The following NBEAL1 variants were observed in gnomAD, a reference collection of about 807,000 sequenced individuals.
The protein encoded by NBEAL1 is neurobeachin-like protein 1.
In NBEAL1, 273 loss-of-function variants were observed where a neutral mutation model predicts 351.3. The observed-to-expected ratio is 0.78, with a 90% CI of 0.70 to 0.86. The LOEUF is 0.86. NBEAL1 is among the 40% of genes least tolerant of loss of function. NBEAL1 has a pLI of 0.00. For missense variants in NBEAL1, 2,961 were observed against 3,201.3 expected, an observed-to-expected ratio of 0.92 and a Z score of 1.81; for synonymous variants, 1,050 against 1,086.4, an observed-to-expected ratio of 0.97 and a Z score of 0.66.
chr2:203,169,715 A>T, intron 38 of NBEAL1, 32 bp from the exon 39 acceptor site: 1 of 1,239,460 alleles, frequency 8.1e-7, no homozygotes, highest in African/African-American at 1.5e-5. Flanking sequence ...GTCTTGATTC[A>T]TTTTTAAAGT....
At chr2:203,129,048 A>C (rs1374690006) in intron 24 of NBEAL1, among the ~76,000 whole-genome samples, 1 of 152,192 alleles carries the variant, frequency 6.6e-6, no homozygotes, top group African/African-American at 2.4e-5. Context: ...AACCAACTTT[A>C]CCTGAAAACT....
intron 7 of NBEAL1, among the ~76,000 whole-genome samples, chr2:203,074,253 G>A (rs2061730190): frequency 6.6e-6 from 1 of 150,384 alleles, no homozygotes; most frequent in Non-Finnish European, 1.5e-5. Flanking sequence ...TTAATAAAAT[G>A]AAAAGGCATG....
chr2:203,213,577 C>A lies in NBEAL1; in HGVS notation c.7994C>A (p.Thr2665Asn). 1 of 1,613,862 alleles carries A rather than the reference C, an allele frequency of 6.2e-7. No individual in the cohort carries two copies. The highest frequency in any genetic ancestry group is 8.5e-7 in the Non-Finnish European group (1 of 1,179,836). Residue 2665 changes from threonine to asparagine, a missense_variant, in exon 55 of 56, where the codon ACC becomes AAC. Thr to Asn is a moderately conservative substitution (Grantham distance 65). Coordinates refer to ENST00000683969, the MANE Select transcript of NBEAL1 (RefSeq NM_001378026.1). ...CTGCCTATCCATTGTGTTTGTGTCA[C>A]CAAAGAATACAGCCATATTCTTGTA... Reference protein sequence around the residue: ...MRLPIHCVCVTKEYSHILVGL... With the variant: ...MRLPIHCVCVNKEYSHILVGL...
At chr2:203,071,025 A>C (rs2061673678) in intron 7 of NBEAL1, among the ~76,000 whole-genome samples, 1 of 152,156 alleles carries the variant, frequency 6.6e-6, no homozygotes, top group Non-Finnish European at 1.5e-5. Context: ...CAGTCTTCCA[A>C]AGTGCTAGGA....
chr2:203,059,852 T>TA (rs869082729), intron 6 of NBEAL1, among the ~76,000 whole-genome samples: 23 of 152,158 alleles, frequency 1.5e-4, no homozygotes, highest in African/African-American at 5.6e-4. Flanking sequence ...TGTCTTTTTT[T>TA]AAAAAAAGTA....
chr2:203,165,140 C>T (rs577358176), intron 36 of NBEAL1, among the ~76,000 whole-genome samples: 102 of 152,214 alleles, frequency 6.7e-4, no homozygotes, highest in South Asian at 2.5e-3. Context: ...GGATTACAGG[C>T]GTGAGCCACC....
At chr2:203,152,683 CACTT>C (rs1357337110) in intron 35 of NBEAL1, among the ~76,000 whole-genome samples, 2 of 152,088 alleles carry the variant, frequency 1.3e-5, no homozygotes, top group Non-Finnish European at 1.5e-5. Flanking sequence ...ATAACTGTCT[CACTT>C]GTCTTCTCTC....
intron 29 of NBEAL1, among the ~76,000 whole-genome samples, chr2:203,137,369 TC>T (rs2063240995): frequency 6.6e-6 from 1 of 152,198 alleles, no homozygotes; most frequent in Non-Finnish European, 1.5e-5. Flanking sequence ...CAGTCCTTCT[TC>T]CAGTGTGGCT....
At chr2:203,120,834 A>G (rs1165159163) in intron 18 of NBEAL1, among the ~76,000 whole-genome samples, 3 of 152,232 alleles carry the variant, frequency 2.0e-5, no homozygotes, top group African/African-American at 7.2e-5. Context: ...TTTTAGTTAC[A>G]GACTAAAGTA....
rs2064364864 is a variant in NBEAL1 at position 203,172,792 on chromosome 2, C to A, written c.6262C>A (p.Arg2088=). The A allele has an allele frequency of 6.2e-7, 1 of 1,611,690 alleles. No individual in the cohort carries two copies. Among genetic ancestry groups the A allele is most frequent in the African/African-American group, 1.3e-5 (1 of 74,772 alleles). The change falls in exon 41 of 56, where the codon CGA becomes AGA. Residue 2088 remains arginine (R), a synonymous_variant. Coordinates refer to ENST00000683969, the MANE Select transcript of NBEAL1 (RefSeq NM_001378026.1). ...ELDLNNPAVF[R]DLSKPIGVVN... The stretch of plus-strand genomic sequence containing the variant: ...GGACCTTAATAACCCTGCTGTATTT[C>A]GAGATCTTTCCAAACCAATTGGGGT...
Position 203,190,303 on chromosome 2 carries a change from C to T in NBEAL1, c.6835C>T (p.Leu2279=). 6.2e-7 allele frequency: 1 copy of T among 1,608,628 alleles called. No individual in the cohort carries two copies. Among genetic ancestry groups the T allele is most frequent in the Non-Finnish European group, 8.5e-7 (1 of 1,178,606 alleles). Residue 2279 remains leucine (L), a synonymous_variant, in exon 46 of 56, where the codon CTG becomes TTG. Coordinates refer to ENST00000683969, the MANE Select transcript of NBEAL1 (RefSeq NM_001378026.1). ...YYCSYEGAVD[L]DALTDEKERK... is the part of the protein sequence containing the mutation. ...TCTTCTGGTTTTAGGAGCTGTGGAT[C>T]TGGATGCCTTAACAGATGAGAAAGA...
At chr2:203,131,022 T>C (rs2063059331) in intron 25 of NBEAL1, among the ~76,000 whole-genome samples, 1 of 152,234 alleles carries the variant, frequency 6.6e-6, no homozygotes, top group Non-Finnish European at 1.5e-5. Flanking sequence ...AAGTGGATTA[T>C]TAGATTGATC....
chr2:203,086,974 C>T (rs538114915), intron 10 of NBEAL1, among the ~76,000 whole-genome samples: 5 of 151,962 alleles, frequency 3.3e-5, no homozygotes, highest in African/African-American at 9.6e-5. Flanking sequence ...TGGACAATTT[C>T]GTTTTTTAAA....
At chr2:203,071,152 T>C (rs1410750278) in intron 7 of NBEAL1, among the ~76,000 whole-genome samples, 3 of 152,222 alleles carry the variant, frequency 2.0e-5, no homozygotes, top group Non-Finnish European at 4.4e-5. Flanking sequence ...TTATATGTCT[T>C]GTATGGTTTT....
At chr2:203,084,647 A>G (rs925508745) in intron 10 of NBEAL1, 78 bp downstream of exon 10, 3 of 669,052 alleles carry the variant, frequency 4.5e-6, no homozygotes, top group Non-Finnish European at 6.9e-6. Context: ...ATTTGAACAT[A>G]TTTTTACTAA....
At position 203,136,030 on chromosome 2, in the gene NBEAL1, A is replaced by G; in HGVS notation, c.4167A>G (p.Gln1389=). 6.2e-7 allele frequency: 1 copy of G among 1,613,658 alleles called. No homozygotes were observed. Among genetic ancestry groups the G allele is most frequent in the Non-Finnish European group, 8.5e-7 (1 of 1,179,774 alleles). Residue 1389 remains glutamine, a synonymous_variant, in exon 28 of 56, where the codon CAA becomes CAG. Transcript: ENST00000683969. ...VGELSFKSEN[Q]EEFWHSNPSH... ...AATTGTCTTTCAAATCAGAGAATCA[A>G]GAGGAATTCTGGCATAGTAACCCTT...
intron 51 of NBEAL1, among the ~76,000 whole-genome samples, chr2:203,206,765 G>C (rs1384770607): frequency 1.3e-5 from 2 of 151,850 alleles, no homozygotes; most frequent in Non-Finnish European, 1.5e-5. Flanking sequence ...ATCTCGGCTC[G>C]GTACAACATC....
intron 15 of NBEAL1, among the ~76,000 whole-genome samples, chr2:203,111,227 A>G (rs1422478418): frequency 6.6e-6 from 1 of 152,076 alleles, no homozygotes; most frequent in Non-Finnish European, 1.5e-5. Context: ...GCTATTCAGG[A>G]GGATACTGGG....
chr2:203,140,331 G>A (rs2063334455), intron 31 of NBEAL1, among the ~76,000 whole-genome samples: 2 of 151,196 alleles, frequency 1.3e-5, no homozygotes, highest in Admixed American at 1.3e-4. Flanking sequence ...ATACACAAAA[G>A]CATAGAGGAA....
Sources: allele counts gnomAD v4.1 joint callset (sites outside exome capture counted in the v4.1 genomes callset), GRCh38; gene constraint gnomAD v4.1.1; transcripts MANE v1.5; gene names NCBI Gene and HGNC (gene_info 2026-07-23, HGNC 2026-07-21).